Variants in LSM12 observed in about 807,000 individuals in gnomAD.
LSM12 encodes the protein protein LSM12.
For synonymous variants in LSM12, 74 were observed against 87.3 expected (o/e 0.85, Z 0.85); for missense variants, 108 against 238.9 (o/e 0.45, Z 3.61).
chr17:44,053,481 G>A (rs1014632637), intron 2 of LSM12, among the ~76,000 whole-genome samples: 3 of 152,132 alleles, frequency 2.0e-5, no homozygotes, highest in Non-Finnish European at 4.4e-5. Context: ...AAATGCTGCT[G>A]TCCCTCACCA....
Position 44,036,183 on chromosome 17 carries a change from G to C in LSM12, c.*25C>G. 6.2e-7 allele frequency: 1 copy of C among 1,605,048 alleles called. No individual in the cohort carries two copies. The highest frequency in any genetic ancestry group is 8.5e-7 in the Non-Finnish European group (1 of 1,175,432). On this transcript the variant is annotated 3_prime_UTR_variant, in exon 5 of 5. Transcript: ENST00000293406. ...ACCAGCGCCTCCTTGGCTGGATGCTGGAAGAGTCCTCCATGTGTACGGACT... is the reference window on the plus strand; with the variant it reads ...ACCAGCGCCTCCTTGGCTGGATGCTCGAAGAGTCCTCCATGTGTACGGACT...
intron 1 of LSM12, among the ~76,000 whole-genome samples, chr17:44,065,979 A>T (rs1379539783): frequency 6.6e-6 from 1 of 152,026 alleles, no homozygotes; most frequent in East Asian, 1.9e-4. Flanking sequence ...TTTGGTCACC[A>T]TCCCACCGCC....
chr17:44,040,147 G>A lies in LSM12; in HGVS notation c.368C>T (p.Thr123Ile), dbSNP rs1263919388. Residue 123 changes from threonine (T) to isoleucine (I), a missense_variant and splice_region_variant, in exon 3 of 5, where the codon ACC (threonine) becomes ATC (isoleucine). Transcript: ENST00000293406. ...AAGGACCTCTCCGATCCCAACTCAC[G>A]TCTTGTGAATGGTCTGGAAGAGCTG... ...GQQLFQTIHK[T>I]IKDCKWQEKN... 6 of 1,611,276 alleles carry A rather than the reference G, an allele frequency of 3.7e-6. No homozygotes were observed. Among genetic ancestry groups the A allele is most frequent in the Non-Finnish European group, 4.2e-6 (5 of 1,177,620 alleles).
rs554563532 is a variant in LSM12, at chr17:44,063,806, T to C, written c.253A>G (p.Ser85Gly). 433 of 1,613,594 alleles carry C rather than the reference T, an allele frequency of 2.7e-4. 3 individuals carry two copies. The South Asian group carries it at 4.3e-3, about 16-fold the overall frequency. ...TPPPLASLNVSKLASKARTEK... is the reference protein window; with the variant it reads ...TPPPLASLNVGKLASKARTEK... ...ATCTGCCCTTGAGTCCTTACCTTAC[T>C]AACATTGAGTGAAGCTAGGGGAGGA... The change falls in exon 2 of 5, where the codon AGT becomes GGT. Residue 85 changes from serine to glycine, a missense_variant. By Grantham distance (56) the Ser-to-Gly change is moderately conservative. Coordinates refer to ENST00000293406, the MANE Select transcript of LSM12 (RefSeq NM_001371445.1).
chr17:44,038,866 T>C (rs2049449924), intron 3 of LSM12, among the ~76,000 whole-genome samples: 1 of 151,980 alleles, frequency 6.6e-6, no homozygotes, highest in Admixed American at 6.6e-5. Context: ...CTGTAAATGT[T>C]CAGATACTCA....
intron 2 of LSM12, among the ~76,000 whole-genome samples, chr17:44,048,324 T>C (rs1413155078): frequency 6.6e-6 from 1 of 151,122 alleles, no homozygotes; most frequent in Non-Finnish European, 1.5e-5. Context: ...TCTACAAAAA[T>C]TACAAAAATT....
intron 2 of LSM12, among the ~76,000 whole-genome samples, chr17:44,044,859 C>T (rs900355660): frequency 1.3e-5 from 2 of 152,160 alleles, no homozygotes; most frequent in African/African-American, 4.8e-5. Context: ...AATTTTCCCA[C>T]ATATTTTTGC....
intron 2 of LSM12, among the ~76,000 whole-genome samples, chr17:44,055,724 AATATATT>A (rs2049704796): frequency 1.4e-5 from 2 of 145,498 alleles, no homozygotes; most frequent in Non-Finnish European, 3.0e-5. Context: ...ATATATATAA[AATATATT>A]ATATATATAA....
At position 44,039,283 on chromosome 17, in the gene LSM12, G is replaced by A. The variant is rs541767830; in HGVS notation, c.368+864C>T. 5.3e-5 allele frequency among the ~76,000 whole-genome samples: 8 copies of A among 151,268 alleles called. No individual in the cohort carries two copies. The East Asian group carries it at 1.2e-3, about 22-fold the overall frequency. Reference sequence around the variant, plus strand: ...TTGGTCAGGCTGGTCTGGAACTCCCGACCTCAGGTGAACCGCCCACCTCGG... The same window carrying A: ...TTGGTCAGGCTGGTCTGGAACTCCCAACCTCAGGTGAACCGCCCACCTCGG... On this transcript the variant is annotated intron_variant, in intron 3 of 4. Transcript: ENST00000293406.
At chr17:44,065,547 C>T (rs2049862002) in intron 1 of LSM12, among the ~76,000 whole-genome samples, 1 of 152,062 alleles carries the variant, frequency 6.6e-6, no homozygotes, top group South Asian at 2.1e-4. Flanking sequence ...GCACATTTAT[C>T]CCAACAAGGA....
intron 2 of LSM12, among the ~76,000 whole-genome samples, chr17:44,059,020 C>G (rs780498747): frequency 6.6e-6 from 1 of 151,906 alleles, no homozygotes; most frequent in African/African-American, 2.4e-5. Flanking sequence ...AAAACAACCA[C>G]CCAGGTGTGG....
chr17:44,043,528 C>T (rs1002095658), intron 2 of LSM12, among the ~76,000 whole-genome samples: 6 of 149,740 alleles, frequency 4.0e-5, no homozygotes, highest in African/African-American at 7.3e-5. Flanking sequence ...AAAAAAACCC[C>T]GGTAACAAGG....
intron 2 of LSM12, among the ~76,000 whole-genome samples, chr17:44,048,234 C>T (rs1242285729): frequency 3.9e-5 from 6 of 152,188 alleles, no homozygotes; most frequent in Admixed American, 2.6e-4. Flanking sequence ...GTAATCCCAG[C>T]ACTTTGGGAG....
chr17:44,037,883 T>C, intron 3 of LSM12, among the ~76,000 whole-genome samples: 1 of 152,236 alleles, frequency 6.6e-6, no homozygotes. Flanking sequence ...CTTAAGGGTC[T>C]TGTAACAAAC....
intron 3 of LSM12, among the ~76,000 whole-genome samples, chr17:44,038,285 T>A (rs2049441323): frequency 6.7e-6 from 1 of 149,098 alleles, no homozygotes; most frequent in South Asian, 2.1e-4. Flanking sequence ...GCCGGGGAGA[T>A]TGAGGCTATA....
intron 2 of LSM12, among the ~76,000 whole-genome samples, chr17:44,059,362 G>C (rs2049765095): frequency 6.6e-6 from 1 of 152,136 alleles, no homozygotes; most frequent in Admixed American, 6.5e-5. Flanking sequence ...GCCGACGCAG[G>C]TGGATTATCT....
chr17:44,065,138 AAC>A (rs2049854697), intron 1 of LSM12, among the ~76,000 whole-genome samples: 1 of 151,056 alleles, frequency 6.6e-6, no homozygotes, highest in Admixed American at 6.6e-5. Flanking sequence ...CGTCTCAAAA[AAC>A]ACAACAAAAA....
intron 2 of LSM12, among the ~76,000 whole-genome samples, chr17:44,048,063 A>ACG (rs1491050391): frequency 2.1e-5 from 3 of 144,348 alleles, no homozygotes; most frequent in Middle Eastern, 3.5e-3. Context: ...ACACACACAC[A>ACG]CGCAAATAAA....
Position 44,040,238 on chromosome 17 carries a change from T to A in LSM12, c.277A>T (p.Thr93Ser). Reference sequence around the variant, plus strand: ...TGGCTCAGCTTCTCCTCCTTCTCTGTCCGTGCTTTGCTGGCAAGCTAGGGT... The same window carrying A: ...TGGCTCAGCTTCTCCTCCTTCTCTGACCGTGCTTTGCTGGCAAGCTAGGGT... The part of the protein sequence containing the change: ...NVSKLASKAR[T>S]EKEEKLSQAY... The change falls in exon 3 of 5, where the codon ACA (threonine) becomes TCA (serine). Residue 93 changes from threonine to serine, a missense_variant. Thr to Ser is a moderately conservative substitution (Grantham distance 58). Coordinates refer to ENST00000293406, the MANE Select transcript of LSM12 (RefSeq NM_001371445.1). 1 of 1,613,882 alleles carries A rather than the reference T, an allele frequency of 6.2e-7. No homozygotes were observed. Among genetic ancestry groups the A allele is most frequent in the Non-Finnish European group, 8.5e-7 (1 of 1,179,836 alleles).
Sources: allele counts gnomAD v4.1 joint callset (sites outside exome capture counted in the v4.1 genomes callset), GRCh38; gene constraint gnomAD v4.1.1; transcripts MANE v1.5; gene names NCBI Gene and HGNC (gene_info 2026-07-23, HGNC 2026-07-21).